Variants in MAST2 observed in about 807,000 individuals in gnomAD.
The protein encoded by MAST2 is microtubule associated serine/threonine kinase 2.
MAST2 carries 70 observed loss-of-function variants against 147.4 expected under a neutral mutation model. The observed-to-expected ratio is 0.47, with a 90% CI of 0.39 to 0.58. MAST2 has a LOEUF of 0.58. Among genes scored for constraint, MAST2 ranks in the 20% least tolerant of loss-of-function variants. The pLI is 0.00. For missense variants in MAST2, 2,080 were observed against 2,302.3 expected, an observed-to-expected ratio of 0.90 and a Z score of 1.98; for synonymous variants, 869 against 896.8, an observed-to-expected ratio of 0.97 and a Z score of 0.55.
At chr1:45,920,341 A>G (rs904065214) in intron 4 of MAST2, among the ~76,000 whole-genome samples, 2 of 152,076 alleles carry the variant, frequency 1.3e-5, no homozygotes, top group South Asian at 2.1e-4. Context: ...AGCCTCCCCA[A>G]GTTCTCAACT....
intron 3 of MAST2, among the ~76,000 whole-genome samples, chr1:45,846,229 A>G (rs1645431100): frequency 6.6e-6 from 1 of 152,174 alleles, no homozygotes; most frequent in Non-Finnish European, 1.5e-5. Context: ...AAAAAAAAAG[A>G]AAATAGGTTT....
chr1:45,873,187 C>CTT (rs1206456880), intron 3 of MAST2, among the ~76,000 whole-genome samples: 2 of 127,990 alleles, frequency 1.6e-5, no homozygotes, highest in African/African-American at 6.7e-5. Flanking sequence ...TTTCTTCTTC[C>CTT]TATTTTTTTT....
chr1:45,875,537 A>G (rs1055860147), intron 3 of MAST2, among the ~76,000 whole-genome samples: 2 of 152,210 alleles, frequency 1.3e-5, no homozygotes, highest in African/African-American at 4.8e-5. Flanking sequence ...TGATATTTAC[A>G]TTGATATAAC....
At chr1:46,019,215 G>A (rs2149276627) in intron 10 of MAST2, among the ~76,000 whole-genome samples, 1 of 152,120 alleles carries the variant, frequency 6.6e-6, no homozygotes, top group East Asian at 1.9e-4. Context: ...AGTACTTTCT[G>A]GTCATATGAC....
intron 4 of MAST2, chr1:45,917,565 A>G: frequency 7.3e-7 from 1 of 1,361,772 alleles, no homozygotes; most frequent in Non-Finnish European, 9.8e-7. Flanking sequence ...CTGGGCCTTG[A>G]CAATTGCTTC....
intron 12 of MAST2, 30 bp from the exon 13 acceptor site, chr1:46,022,880 C>T: frequency 6.3e-7 from 1 of 1,577,664 alleles, no homozygotes; most frequent in South Asian, 1.1e-5. Flanking sequence ...CATTGCCACG[C>T]ACATTCTTCT....
chr1:45,915,000 G>T (rs934919375), intron 4 of MAST2, among the ~76,000 whole-genome samples: 1 of 152,164 alleles, frequency 6.6e-6, no homozygotes, highest in African/African-American at 2.4e-5. Flanking sequence ...GAGGGCAGTG[G>T]TGCTATCACA....
chr1:45,895,812 C>CA (rs1234572491), intron 4 of MAST2, among the ~76,000 whole-genome samples: 12 of 152,190 alleles, frequency 7.9e-5, no homozygotes, highest in Non-Finnish European at 1.8e-4. Flanking sequence ...TTGAAAATGG[C>CA]AAAATGTCAA....
At chr1:45,855,430 A>G (rs1190640113) in intron 3 of MAST2, among the ~76,000 whole-genome samples, 1 of 151,456 alleles carries the variant, frequency 6.6e-6, no homozygotes. Flanking sequence ...TGTAATTTTT[A>G]GCATACATAT....
At chr1:45,897,780 G>C (rs1383122657) in intron 4 of MAST2, among the ~76,000 whole-genome samples, 1 of 151,790 alleles carries the variant, frequency 6.6e-6, no homozygotes, top group Admixed American at 6.6e-5. Flanking sequence ...CTGCACTCCA[G>C]CCTGGGCAAC....
chr1:45,994,974 G>T (rs1644998095), intron 5 of MAST2, among the ~76,000 whole-genome samples: 1 of 151,982 alleles, frequency 6.6e-6, no homozygotes, highest in Admixed American at 6.6e-5. Context: ...GAATATCTGG[G>T]ACTACAGGCG....
At chr1:45,983,031 T>G (rs1474237089) in intron 5 of MAST2, among the ~76,000 whole-genome samples, 1 of 152,212 alleles carries the variant, frequency 6.6e-6, no homozygotes, top group Non-Finnish European at 1.5e-5. Context: ...TCCCCTTGCA[T>G]TACAGATGCC....
At chr1:45,941,320 C>T (rs977301151) in intron 4 of MAST2, among the ~76,000 whole-genome samples, 2 of 152,096 alleles carry the variant, frequency 1.3e-5, no homozygotes, top group Admixed American at 6.6e-5. Context: ...AGTGCAGTGG[C>T]GGGATCTCGG....
intron 1 of MAST2, among the ~76,000 whole-genome samples, chr1:45,809,870 C>G (rs1348392733): frequency 6.6e-6 from 1 of 152,142 alleles, no homozygotes; most frequent in Non-Finnish European, 1.5e-5. Context: ...TAAGTAGGTG[C>G]TTAATAAGTA....
intron 1 of MAST2, among the ~76,000 whole-genome samples, chr1:45,808,313 C>T (rs1239919588): frequency 6.6e-6 from 1 of 152,280 alleles, no homozygotes; most frequent in African/African-American, 2.4e-5. Flanking sequence ...TTATTGTAAC[C>T]TCTGCCTCCC....
At chr1:45,898,734 A>G (rs998045292) in intron 4 of MAST2, among the ~76,000 whole-genome samples, 7 of 152,188 alleles carry the variant, frequency 4.6e-5, no homozygotes, top group Non-Finnish European at 8.8e-5. Flanking sequence ...GAAACAGAAC[A>G]GTTCTTTCTG....
At chr1:45,920,750 T>A (rs1330214743) in intron 4 of MAST2, among the ~76,000 whole-genome samples, 1 of 152,230 alleles carries the variant, frequency 6.6e-6, no homozygotes, top group East Asian at 1.9e-4. Flanking sequence ...ATAGGTAACA[T>A]TTGCTGAGCA....
At chr1:45,963,045 G>C (rs1045815240) in intron 5 of MAST2, among the ~76,000 whole-genome samples, 48 of 152,184 alleles carry the variant, frequency 3.2e-4, no homozygotes, top group African/African-American at 1.0e-3. Context: ...TCTTGTTTTT[G>C]TCAGGTTTGT....
intron 4 of MAST2, among the ~76,000 whole-genome samples, chr1:45,956,919 C>T (rs1307567013): frequency 6.6e-6 from 1 of 152,190 alleles, no homozygotes; most frequent in Non-Finnish European, 1.5e-5. Flanking sequence ...AAGCAAAGTG[C>T]AAGACCATGA....
Sources: gnomAD v4.1 joint callset for allele counts (sites outside exome capture counted in the v4.1 genomes callset) on GRCh38, gnomAD v4.1.1 for gene constraint, MANE v1.5 for transcripts, NCBI Gene and HGNC (gene_info 2026-07-23, HGNC 2026-07-21) for gene names.